The following NANOS3 variants were observed in gnomAD, a reference collection of about 807,000 sequenced individuals.
NANOS3 encodes nanos homolog 3.
A neutral mutation model predicts 13.8 loss-of-function variants in NANOS3; 11 were observed. The observed-to-expected ratio is 0.80, with a 90% confidence interval of 0.50 to 1.32. NANOS3 has a LOEUF of 1.32. NANOS3 is among the 40% of genes most tolerant of loss of function. The pLI, the probability that NANOS3 is intolerant of heterozygous loss-of-function variation, is 0.00. For missense variants in NANOS3, 221 were observed against 263.8 expected, an observed-to-expected ratio of 0.84 and a Z score of 1.12; for synonymous variants, 119 against 115.4, an observed-to-expected ratio of 1.03 and a Z score of -0.20.
upstream of NANOS3, chr19:13,874,623 T>G: frequency 2.1e-6 from 1 of 476,154 alleles, no homozygotes; most frequent in Non-Finnish European, 4.5e-6. Context: ...AGAAAAGGGG[T>G]TCCTTACTCT....
At chr19:13,874,414 AAGG>A (rs959483379), upstream of NANOS3, among the ~76,000 whole-genome samples, 12 of 152,136 alleles carry the variant, frequency 7.9e-5, no homozygotes, top group Admixed American at 7.9e-4. Flanking sequence ...CCAGTTGACA[AAGG>A]GGGGTAATCT....
intron 1 of NANOS3, among the ~76,000 whole-genome samples, chr19:13,866,797 GAC>G (rs1204848532): frequency 6.6e-6 from 1 of 151,874 alleles, no homozygotes; most frequent in Non-Finnish European, 1.5e-5. Flanking sequence ...CAATACCTGG[GAC>G]ACACACAGAC....
At chr19:13,865,990 C>T (rs1428987492) in intron 1 of NANOS3, among the ~76,000 whole-genome samples, 1 of 151,978 alleles carries the variant, frequency 6.6e-6, no homozygotes, top group Non-Finnish European at 1.5e-5. Flanking sequence ...CTGCGGAGAC[C>T]GATCCTGGCG....
chr19:13,874,944 A>T, upstream of NANOS3: 1 of 531,114 alleles, frequency 1.9e-6, no homozygotes, highest in South Asian at 1.4e-5. Context: ...GTGAGGACTG[A>T]GGCCAGACCC....
Position 13,877,231 on chromosome 19 carries a change from G to T in NANOS3, c.-18G>T. 6.3e-7 allele frequency: 1 copy of T among 1,591,808 alleles called. No individual in the cohort carries two copies. The highest frequency in any genetic ancestry group is 8.6e-7 in the Non-Finnish European group (1 of 1,165,218). ...CTTGTCTCTGTGACTCCTTCCGCCT[G>T]GCACATGCTGCCCAGCTATGGGGAC... On this transcript the variant is annotated 5_prime_UTR_variant, in exon 1 of 2. Transcript: ENST00000339133.
chr19:13,875,840 C>T (rs1968498813), upstream of NANOS3, among the ~76,000 whole-genome samples: 1 of 152,180 alleles, frequency 6.6e-6, no homozygotes, highest in Non-Finnish European at 1.5e-5. Context: ...ATAAAAGTTT[C>T]TTAAATGAAT....
upstream of NANOS3, among the ~76,000 whole-genome samples, chr19:13,873,234 G>A (rs1012067532): frequency 4.0e-5 from 6 of 150,530 alleles, no homozygotes; most frequent in Non-Finnish European, 7.4e-5. Context: ...CAGGGCCTGG[G>A]CTGGGGCCTT....
In NANOS3 at chr19:13,870,287, C is replaced by T. The variant is rs536604177; in HGVS notation, n.21+4850C>T. ...GTTGAGCCAGGGTTTCACCATGTTG[C>T]TCAGGCTGGTCTTGAACTCCTGTGC... On this transcript the variant is annotated intron_variant and non_coding_transcript_variant, in intron 1 of 2. Transcript: ENST00000591161. Among the ~76,000 whole-genome samples the T allele has an allele frequency of 3.3e-5, 5 of 152,158 alleles. No individual in the cohort carries two copies. The East Asian group carries it at 7.8e-4, about 24-fold the overall frequency.
rs1040068683 is a variant in NANOS3 at position 13,880,591 on chromosome 19, C to A, written c.*88C>A. On this transcript the variant is annotated 3_prime_UTR_variant, in exon 2 of 2. Coordinates refer to ENST00000339133, the MANE Select transcript of NANOS3 (RefSeq NM_001098622.3). ...TATGACGACTGCCCCCACTCCCAGACCCTCCCCCCAGCCTGGGATTGAGCC... is the reference window on the plus strand; with the variant it reads ...TATGACGACTGCCCCCACTCCCAGAACCTCCCCCCAGCCTGGGATTGAGCC... 4 of 1,109,736 alleles carry A rather than the reference C, an allele frequency of 3.6e-6. No individual in the cohort carries two copies. Among genetic ancestry groups the A allele is most frequent in the African/African-American group, 1.5e-5 (1 of 64,990 alleles). The allele number at this position is 1,109,736 out of a possible 1,614,324, so 68.7% of individuals were successfully genotyped here. A position where few individuals can be genotyped will look rare whatever the true frequency, so the allele number is the denominator to read the frequency against.
upstream of NANOS3, among the ~76,000 whole-genome samples, chr19:13,863,108 T>C (rs1214019372): frequency 6.6e-6 from 1 of 152,160 alleles, no homozygotes; most frequent in South Asian, 2.1e-4. Flanking sequence ...CGTCTATGAG[T>C]GGATGAATGA....
At chr19:13,872,692 A>G (rs924054359), upstream of NANOS3, among the ~76,000 whole-genome samples, 8 of 152,202 alleles carry the variant, frequency 5.3e-5, no homozygotes, top group African/African-American at 1.9e-4. Context: ...CCTCCCTCGG[A>G]AGGGCCTGGA....
upstream of NANOS3, among the ~76,000 whole-genome samples, chr19:13,873,010 G>T (rs1401722563): frequency 6.6e-6 from 1 of 151,872 alleles, no homozygotes; most frequent in Non-Finnish European, 1.5e-5. Context: ...GGACCTTAGT[G>T]GGGGGTTGGG....
At chr19:13,875,608 C>T (rs147938003), upstream of NANOS3, among the ~76,000 whole-genome samples, 3 of 151,908 alleles carry the variant, frequency 2.0e-5, no homozygotes, top group African/African-American at 7.2e-5. Flanking sequence ...AATGGTGTGA[C>T]CTTAGCTCAC....
chr19:13,879,225 C>T (rs1055424969), intron 1 of NANOS3, among the ~76,000 whole-genome samples: 1 of 152,160 alleles, frequency 6.6e-6, no homozygotes, highest in African/African-American at 2.4e-5. Context: ...AGGCTTGAGC[C>T]ACCATGCCTG....
intron 1 of NANOS3, among the ~76,000 whole-genome samples, chr19:13,869,409 G>A (rs1976290403): frequency 6.6e-6 from 1 of 152,054 alleles, no homozygotes; most frequent in Admixed American, 6.6e-5. Flanking sequence ...CCTCACATCT[G>A]GCAGGCCTGG....
upstream of NANOS3, among the ~76,000 whole-genome samples, chr19:13,876,953 GC>G (rs1225361668): frequency 6.6e-6 from 1 of 152,010 alleles, no homozygotes; most frequent in East Asian, 1.9e-4. Context: ...CTCGCAGGAT[GC>G]CCCCCCACAC....
chr19:13,877,990 C>A (rs183985381), intron 1 of NANOS3, among the ~76,000 whole-genome samples: 11 of 152,100 alleles, frequency 7.2e-5, no homozygotes, highest in East Asian at 5.8e-4. Context: ...CTCACTGCAA[C>A]CTCCACCTCC....
At chr19:13,872,035 A>G (rs1976335580) in intron 1 of NANOS3, among the ~76,000 whole-genome samples, 1 of 151,300 alleles carries the variant, frequency 6.6e-6, no homozygotes, top group Non-Finnish European at 1.5e-5. Flanking sequence ...AGCAACAAAA[A>G]AGAGAATAAA....
In NANOS3 at chr19:13,871,132, A is replaced by G. The variant is rs146863080; in HGVS notation, n.21+5695A>G. Reference sequence around the variant, plus strand: ...AAAGTCAAACCAGCAGACAGCTGCAACCAGACAAGCAGGGCAGGGCTGCAG... The same window carrying G: ...AAAGTCAAACCAGCAGACAGCTGCAGCCAGACAAGCAGGGCAGGGCTGCAG... On this transcript the variant is annotated intron_variant and non_coding_transcript_variant, in intron 1 of 2. Transcript: ENST00000591161. Among the ~76,000 whole-genome samples the G allele has an allele frequency of 5.3e-4, 80 of 152,236 alleles. 1 individual carries two copies. The East Asian group carries it at 0.013, about 25-fold the overall frequency.
Sources: gnomAD v4.1 joint callset for allele counts (sites outside exome capture counted in the v4.1 genomes callset) on GRCh38, gnomAD v4.1.1 for gene constraint, MANE v1.5 for transcripts, NCBI Gene and HGNC (gene_info 2026-07-23, HGNC 2026-07-21) for gene names.